The following FSHB variants were observed in gnomAD, a reference collection of about 807,000 sequenced individuals.
FSHB encodes the protein follitropin subunit beta.
A neutral mutation model predicts 12.1 loss-of-function variants in FSHB; 8 were observed. The observed-to-expected ratio is 0.66, with a 90% CI of 0.39 to 1.19. FSHB has a LOEUF of 1.19. Among genes scored for constraint, FSHB ranks in the 50% most tolerant of loss-of-function variants. FSHB has a pLI of 0.01. For missense variants in FSHB, 153 were observed against 157.2 expected, an observed-to-expected ratio of 0.97 and a Z score of 0.14; for synonymous variants, 55 against 54.6, an observed-to-expected ratio of 1.01 and a Z score of -0.04.
rs1852046718 is a variant in FSHB at position 30,233,967 on chromosome 11, T to C, written c.*167T>C. On this transcript the variant is annotated 3_prime_UTR_variant, in exon 3 of 3. Coordinates refer to ENST00000533718, the MANE Select transcript of FSHB (RefSeq NM_001382289.1). ...AGGGAACTCTGGGAATTGAGAGTGC[T>C]GGGGGCCAGGACTCCATCATGATTC... 2 of 666,372 alleles carry C rather than the reference T, an allele frequency of 3.0e-6. No homozygotes were observed. Among genetic ancestry groups the C allele is most frequent in the Admixed American group, 4.3e-5 (2 of 46,836 alleles). The allele number at this position is 666,372 out of a possible 1,614,324, so 41.3% of individuals were successfully genotyped here. A position where few individuals can be genotyped will look rare whatever the true frequency, so the allele number is the denominator to read the frequency against.
At chr11:30,232,175 T>C (rs1852017679) in intron 2 of FSHB, 114 bp downstream of exon 2, 6 of 1,063,966 alleles carry the variant, frequency 5.6e-6, no homozygotes, top group Non-Finnish European at 8.4e-6. Flanking sequence ...CATGAGTCCT[T>C]TAGCCAAGAC....
chr11:30,231,957 A>T lies in FSHB; in HGVS notation c.55A>T (p.Asn19Tyr), dbSNP rs924276654. The stretch of plus-strand genomic sequence containing the variant: ...CTGTTGCTGGAAAGCAATCTGCTGC[A>T]ATAGCTGTGAGCTGACCAACATCAC... ...LFCCWKAICC[N>Y]SCELTNITIA... Residue 19 changes from asparagine to tyrosine, a missense_variant, in exon 2 of 3, where the codon AAT (asparagine) becomes TAT (tyrosine). Transcript: ENST00000533718. 3 of 1,614,000 alleles carry T rather than the reference A, an allele frequency of 1.9e-6. No individual in the cohort carries two copies. Among genetic ancestry groups the T allele is most frequent in the Non-Finnish European group, 2.5e-6 (3 of 1,179,900 alleles).
At position 30,231,896 on chromosome 11, in the gene FSHB, G is replaced by A. The variant is rs1012657506; in HGVS notation, c.-7G>A. 1.9e-6 allele frequency: 3 copies of A among 1,613,714 alleles called. No individual in the cohort carries two copies. The highest frequency in any genetic ancestry group is 2.5e-6 in the Non-Finnish European group (3 of 1,179,772). On this transcript the variant is annotated 5_prime_UTR_variant, in exon 2 of 3. Transcript: ENST00000533718. ...AGTGGGCTTCATTGTTTGCTTCCCA[G>A]ACCAGGATGAAGACACTCCAGTTTT...
chr11:30,232,547 A>G (rs571619530), intron 2 of FSHB, among the ~76,000 whole-genome samples: 1 of 152,346 alleles, frequency 6.6e-6, no homozygotes, highest in East Asian at 1.9e-4. Flanking sequence ...AAATGCCAAA[A>G]AACAGCCTGA....
At chr11:30,231,809 C>G in intron 1 of FSHB, 57 bp from the exon 2 acceptor site, 1 of 1,380,242 alleles carries the variant, frequency 7.2e-7, no homozygotes, top group Non-Finnish European at 1.0e-6. Flanking sequence ...GATGAGCAGA[C>G]CAATTATTTT....
At chr11:30,232,189 C>T in intron 2 of FSHB, 128 bp downstream of exon 2, 1 of 952,450 alleles carries the variant, frequency 1.0e-6, no homozygotes, top group Non-Finnish European at 1.6e-6. Flanking sequence ...CCAAGACTGT[C>T]TGTGTTGTGA....
chr11:30,231,831 G>C, intron 1 of FSHB, 35 bp from the exon 2 acceptor site: 1 of 1,569,464 alleles, frequency 6.4e-7, no homozygotes, highest in Non-Finnish European at 8.8e-7. Context: ...GGTTTGGTCA[G>C]CTTACATAAT....
In FSHB at chr11:30,233,656, C is replaced by G. The variant is rs140328289; in HGVS notation, c.246C>G (p.Pro82=). 6.2e-7 allele frequency: 1 copy of G among 1,614,004 alleles called. No individual in the cohort carries two copies. Among genetic ancestry groups the G allele is most frequent in the Non-Finnish European group, 8.5e-7 (1 of 1,179,948 alleles). Residue 82 remains proline (P), a synonymous_variant, in exon 3 of 3, where the codon CCC becomes CCG. Transcript: ENST00000533718. ...TGGTATACGAAACAGTGAGAGTGCC[C>G]GGCTGTGCTCACCATGCAGATTCCT... ...KELVYETVRV[P]GCAHHADSLY... is the part of the protein sequence containing the mutation.
chr11:30,231,584 G>A (rs527862318), intron 1 of FSHB, among the ~76,000 whole-genome samples: 1 of 152,228 alleles, frequency 6.6e-6, no homozygotes, highest in South Asian at 2.1e-4. Flanking sequence ...ACAATTATCA[G>A]AGTAATTACT....
chr11:30,233,623 C>G lies in FSHB; in HGVS notation c.213C>G (p.Phe71Leu), dbSNP rs374590116. Residue 71 changes from phenylalanine to leucine, a missense_variant, in exon 3 of 3, where the codon TTC (phenylalanine) becomes TTG (leucine). Coordinates refer to ENST00000533718, the MANE Select transcript of FSHB (RefSeq NM_001382289.1). Reference sequence around the variant, plus strand: ...CCAAAATCCAGAAAACATGTACCTTCAAGGAACTGGTATACGAAACAGTGA... The same window carrying G: ...CCAAAATCCAGAAAACATGTACCTTGAAGGAACTGGTATACGAAACAGTGA... ...ARPKIQKTCTFKELVYETVRV... is the reference protein window; with the variant it reads ...ARPKIQKTCTLKELVYETVRV... 6.2e-7 allele frequency: 1 copy of G among 1,613,880 alleles called. No individual in the cohort carries two copies. The highest frequency in any genetic ancestry group is 1.3e-5 in the African/African-American group (1 of 74,906).
intron 2 of FSHB, 114 bp from the exon 3 acceptor site, chr11:30,233,456 T>C (rs555324705): frequency 1.2e-6 from 1 of 802,294 alleles, no homozygotes; most frequent in East Asian, 2.6e-5. Context: ...TATGAGGTCA[T>C]GTTTTAATGG....
intron 2 of FSHB, among the ~76,000 whole-genome samples, chr11:30,233,033 C>T (rs1156690266): frequency 6.6e-6 from 1 of 152,116 alleles, no homozygotes; most frequent in East Asian, 1.9e-4. Flanking sequence ...AAACTAGGAA[C>T]CCTGCAAAGT....
Position 30,232,116 on chromosome 11 carries a change from T to A in FSHB, c.159+55T>A, listed in dbSNP as rs150640079. The A allele has an allele frequency of 6.7e-4, 1,030 of 1,540,974 alleles. 18 individuals are homozygous for A. In the East Asian group the frequency reaches 0.019, roughly 29 times the overall value. On this transcript the variant is annotated intron_variant, in intron 2 of 2. Transcript: ENST00000533718. ...GTGTTGAAGGTCTGTATTAGGCCGGTTTCATTAGTTTCTACTTTATCAATA... is the reference window on the plus strand; with the variant it reads ...GTGTTGAAGGTCTGTATTAGGCCGGATTCATTAGTTTCTACTTTATCAATA...
At position 30,233,828 on chromosome 11, in the gene FSHB, C is replaced by A. The variant is rs1852043495; in HGVS notation, c.*28C>A. On this transcript the variant is annotated 3_prime_UTR_variant, in exon 3 of 3. Coordinates refer to ENST00000533718, the MANE Select transcript of FSHB (RefSeq NM_001382289.1). The stretch of plus-strand genomic sequence containing the variant: ...ATCAGTGGACATTTCAGGCCACATA[C>A]CCTTGTCCTGAAGGACCAAGATATT... The A allele has an allele frequency of 1.3e-6, 2 of 1,574,710 alleles. No individual in the cohort carries two copies. The highest frequency in any genetic ancestry group is 1.3e-5 in the African/African-American group (1 of 74,076).
chr11:30,231,739 T>C, intron 1 of FSHB, 127 bp from the exon 2 acceptor site: 1 of 685,882 alleles, frequency 1.5e-6, no homozygotes, highest in Non-Finnish European at 2.5e-6. Flanking sequence ...GAAACAAAGA[T>C]GTAAGTAAAA....
intron 1 of FSHB, among the ~76,000 whole-genome samples, chr11:30,231,372 T>C (rs1043908100): frequency 1.3e-5 from 2 of 152,170 alleles, no homozygotes; most frequent in Non-Finnish European, 2.9e-5. Context: ...CTCATGCTTG[T>C]AATCCCAGCA....
chr11:30,233,968 G>C lies in FSHB; in HGVS notation c.*168G>C, dbSNP rs1172984311. On this transcript the variant is annotated 3_prime_UTR_variant, in exon 3 of 3. Transcript: ENST00000533718. ...GGGAACTCTGGGAATTGAGAGTGCT[G>C]GGGGCCAGGACTCCATCATGATTCA... The C allele has an allele frequency of 4.5e-6, 3 of 662,980 alleles. No homozygotes were observed. Among genetic ancestry groups the C allele is most frequent in the African/African-American group, 3.6e-5 (2 of 56,156 alleles). 41.1% of individuals were successfully genotyped at this position (662,980 alleles called of 1,614,324 possible). A position where few individuals can be genotyped will look rare whatever the true frequency, so the allele number is the denominator to read the frequency against.
rs5030646 is a variant in FSHB, at chr11:30,233,644, AGT to A, written c.236_237del (p.Val79GlufsTer27). The A allele has an allele frequency of 5.6e-5, 90 of 1,613,954 alleles. No homozygotes were observed. Among genetic ancestry groups the A allele is most frequent in the Non-Finnish European group, 9.3e-6 (11 of 1,179,976 alleles). On this transcript the variant is annotated frameshift_variant, in exon 3 of 3. Coordinates refer to ENST00000533718, the MANE Select transcript of FSHB (RefSeq NM_001382289.1). LOFTEE classifies it high-confidence loss of function. ...CCTTCAAGGAACTGGTATACGAAAC[AGT>A]GAGAGTGCCCGGCTGTGCTCACCAT... Reference protein sequence around the residue: ...CTFKELVYETVRVPGCAHHAD... With the variant: ...CTFKELVYETXRVPGCAHHAD...
chr11:30,231,857 G>A lies in FSHB; in HGVS notation c.-37-9G>A. 1.2e-6 allele frequency: 2 copies of A among 1,606,998 alleles called. No homozygotes were observed. The highest frequency in any genetic ancestry group is 1.1e-5 in the South Asian group (1 of 90,878). On this transcript the variant is annotated splice_polypyrimidine_tract_variant and intron_variant, in intron 1 of 2. Coordinates refer to ENST00000533718, the MANE Select transcript of FSHB (RefSeq NM_001382289.1). Reference sequence around the variant, plus strand: ...CTTACATAATGATTATCGTTCTTTGGTTTCTCAGTTTCTAGTGGGCTTCAT... The same window carrying A: ...CTTACATAATGATTATCGTTCTTTGATTTCTCAGTTTCTAGTGGGCTTCAT...
Sources: gnomAD v4.1 joint callset for allele counts (sites outside exome capture counted in the v4.1 genomes callset) on GRCh38, gnomAD v4.1.1 for gene constraint, MANE v1.5 for transcripts, NCBI Gene and HGNC (gene_info 2026-07-23, HGNC 2026-07-21) for gene names.